CTNNBL1: variants seen among roughly 807,000 people sequenced by gnomAD.
CTNNBL1 encodes the protein beta-catenin-like protein 1.
CTNNBL1 carries 31 observed loss-of-function variants against 72.7 expected under a neutral mutation model. The ratio of observed to expected loss-of-function variants is 0.43; its 90% confidence interval spans 0.32 to 0.58. The LOEUF (loss-of-function observed/expected upper bound fraction) is 0.58, where lower values mean the gene tolerates loss of function less well. CTNNBL1 is among the 20% of genes least tolerant of loss of function. CTNNBL1 has a pLI of 0.08. For synonymous variants in CTNNBL1, 240 were observed against 267.3 expected (o/e 0.90, Z 1.00); for missense variants, 534 against 725.1 (o/e 0.74, Z 3.03).
At chr20:37,779,364 C>T in intron 10 of CTNNBL1, 29 bp downstream of exon 10, 1 of 1,606,464 alleles carries the variant, frequency 6.2e-7, no homozygotes, top group Admixed American at 1.7e-5. Context: ...AGTTCTCCCA[C>T]CTTTTTTGCC....
intron 10 of CTNNBL1, among the ~76,000 whole-genome samples, chr20:37,796,035 A>C (rs1192314030): frequency 1.3e-5 from 2 of 151,988 alleles, no homozygotes; most frequent in Non-Finnish European, 2.9e-5. Context: ...GGACCAGATT[A>C]GTCTATGGCT....
chr20:37,793,354 C>G (rs1461873501), intron 10 of CTNNBL1, among the ~76,000 whole-genome samples: 5 of 152,076 alleles, frequency 3.3e-5, no homozygotes, highest in Non-Finnish European at 7.4e-5. Flanking sequence ...TTTAATCGAC[C>G]CTTTTATTAT....
chr20:37,696,672 A>C (rs944906677), intron 1 of CTNNBL1, among the ~76,000 whole-genome samples: 1 of 151,112 alleles, frequency 6.6e-6, no homozygotes, highest in Non-Finnish European at 1.5e-5. Flanking sequence ...TTGACTCCCA[A>C]CCTCAGGTGA....
chr20:37,870,859 AAGTGCC>A (rs1462799579), intron 15 of CTNNBL1, among the ~76,000 whole-genome samples: 2 of 152,042 alleles, frequency 1.3e-5, no homozygotes, highest in Non-Finnish European at 2.9e-5. Flanking sequence ...TAAACCAAAG[AAGTGCC>A]TCCCCTTAGA....
In CTNNBL1 at chr20:37,715,522, C is replaced by A. The variant is rs575304380; in HGVS notation, c.31-17357C>A. On this transcript the variant is annotated intron_variant, in intron 1 of 15. Coordinates refer to ENST00000361383, the MANE Select transcript of CTNNBL1 (RefSeq NM_030877.5). ...ACCCCACAATGCTGTGACCTCGGTGCCTCCTAAGAAGTTATTTGTGAGATT... is the reference window on the plus strand; with the variant it reads ...ACCCCACAATGCTGTGACCTCGGTGACTCCTAAGAAGTTATTTGTGAGATT... Among the ~76,000 whole-genome samples, 6 of 152,306 alleles carry A rather than the reference C, an allele frequency of 3.9e-5. No individual in the cohort carries two copies. The South Asian group carries it at 1.0e-3, about 26-fold the overall frequency.
chr20:37,837,690 CAT>C (rs2072267083), intron 11 of CTNNBL1, among the ~76,000 whole-genome samples: 2 of 152,118 alleles, frequency 1.3e-5, no homozygotes, highest in Admixed American at 6.5e-5. Flanking sequence ...GCATTTGAAA[CAT>C]ATCCAGAATT....
Position 37,860,347 on chromosome 20 carries a change from G to A in CTNNBL1, c.1603+3G>A. The A allele has an allele frequency of 1.2e-6, 2 of 1,609,314 alleles. No homozygotes were observed. The highest frequency in any genetic ancestry group is 1.7e-6 in the Non-Finnish European group (2 of 1,175,588). On this transcript the variant is annotated splice_donor_region_variant and intron_variant, in intron 15 of 15. Coordinates refer to ENST00000361383, the MANE Select transcript of CTNNBL1 (RefSeq NM_030877.5). ...AATTGTCAGGCATATCATCAAGGGT[G>A]AGTTGGATGCTACTCATGTCTGGGG...
chr20:37,698,488 G>A (rs1482668972), intron 1 of CTNNBL1, among the ~76,000 whole-genome samples: 1 of 152,176 alleles, frequency 6.6e-6, no homozygotes, highest in Non-Finnish European at 1.5e-5. Context: ...CATGGTCTAA[G>A]GCTTGGAAAG....
chr20:37,767,217 AAG>A (rs2073477261), intron 6 of CTNNBL1, among the ~76,000 whole-genome samples: 1 of 152,218 alleles, frequency 6.6e-6, no homozygotes, highest in South Asian at 2.1e-4. Context: ...GGGGGGCTGA[AAG>A]AAATGAAACC....
intron 3 of CTNNBL1, among the ~76,000 whole-genome samples, chr20:37,738,962 G>T (rs2073191925): frequency 6.6e-6 from 1 of 152,100 alleles, no homozygotes; most frequent in Admixed American, 6.6e-5. Context: ...GTGGTTACTG[G>T]GCCTAGGGCC....
intron 13 of CTNNBL1, among the ~76,000 whole-genome samples, chr20:37,852,881 G>T (rs2072409156): frequency 6.6e-6 from 1 of 152,198 alleles, no homozygotes; most frequent in Admixed American, 6.5e-5. Context: ...GCCAAGAAAA[G>T]TTAAATGACT....
intron 13 of CTNNBL1, among the ~76,000 whole-genome samples, chr20:37,844,971 G>A (rs530117144): frequency 2.0e-5 from 3 of 152,198 alleles, no homozygotes; most frequent in South Asian, 4.2e-4. Context: ...AAAACACCTC[G>A]CGTTAAAGGT....
At chr20:37,705,692 A>G (rs1431916537) in intron 1 of CTNNBL1, among the ~76,000 whole-genome samples, 1 of 152,226 alleles carries the variant, frequency 6.6e-6, no homozygotes, top group Non-Finnish European at 1.5e-5. Flanking sequence ...TATTACTAAG[A>G]TATCTCAGTT....
At chr20:37,707,511 C>G (rs1387940127) in intron 1 of CTNNBL1, among the ~76,000 whole-genome samples, 1 of 152,224 alleles carries the variant, frequency 6.6e-6, no homozygotes, top group East Asian at 1.9e-4. Flanking sequence ...AGCTTCCTCA[C>G]CTCTCTTAGC....
chr20:37,820,663 C>G (rs1235963644), intron 11 of CTNNBL1, among the ~76,000 whole-genome samples: 1 of 152,176 alleles, frequency 6.6e-6, no homozygotes, highest in Non-Finnish European at 1.5e-5. Flanking sequence ...GCTTCCCCCA[C>G]GCGCTCTCTC....
chr20:37,791,018 T>A (rs540331393), intron 10 of CTNNBL1, among the ~76,000 whole-genome samples: 2 of 152,364 alleles, frequency 1.3e-5, no homozygotes, highest in Admixed American at 1.3e-4. Context: ...TACAGTGTGT[T>A]CCTTTTTTTG....
chr20:37,838,934 A>G (rs1413456501), intron 11 of CTNNBL1, among the ~76,000 whole-genome samples: 2 of 152,182 alleles, frequency 1.3e-5, no homozygotes, highest in South Asian at 2.1e-4. Context: ...CCAAGTGGAG[A>G]GGGCAGGTAG....
At chr20:37,856,771 C>G (rs1465755819) in intron 13 of CTNNBL1, among the ~76,000 whole-genome samples, 1 of 152,158 alleles carries the variant, frequency 6.6e-6, no homozygotes, top group Non-Finnish European at 1.5e-5. Context: ...ATTTTTTTAA[C>G]ATGTGGGCAC....
chr20:37,754,654 A>G (rs1432092145), intron 4 of CTNNBL1, among the ~76,000 whole-genome samples: 6 of 152,172 alleles, frequency 3.9e-5, no homozygotes, highest in Non-Finnish European at 7.4e-5. Context: ...TGTGGTTACA[A>G]CAGGGTCAAT....
Sources: allele counts gnomAD v4.1 joint callset (sites outside exome capture counted in the v4.1 genomes callset), GRCh38; gene constraint gnomAD v4.1.1; transcripts MANE v1.5; gene names NCBI Gene and HGNC (gene_info 2026-07-23, HGNC 2026-07-21).